Variants in PRUNE2 observed in about 807,000 individuals in gnomAD.
PRUNE2 encodes the protein protein prune homolog 2.
A neutral mutation model predicts 252.0 loss-of-function variants in PRUNE2; 164 were observed. The observed-to-expected ratio is 0.65, with a 90% confidence interval of 0.57 to 0.74. The LOEUF (loss-of-function observed/expected upper bound fraction) is 0.74. Ranked by LOEUF, PRUNE2 falls within the 30% of genes least tolerant of loss-of-function variation. The pLI, the probability that PRUNE2 is intolerant of heterozygous loss-of-function variation, is 0.00. For missense variants in PRUNE2, 3,495 were observed against 3,711.0 expected (o/e 0.94, Z 1.51); for synonymous variants, 1,292 against 1,350.2 (o/e 0.96, Z 0.94).
At chr9:76,763,218 T>C (rs1056297917) in intron 6 of PRUNE2, among the ~76,000 whole-genome samples, 1 of 152,236 alleles carries the variant, frequency 6.6e-6, no homozygotes, top group Non-Finnish European at 1.5e-5. Flanking sequence ...TCATGAGATC[T>C]TGAGCAAGTT....
chr9:76,638,582 G>T (rs1841163516), intron 12 of PRUNE2, among the ~76,000 whole-genome samples: 1 of 151,962 alleles, frequency 6.6e-6, no homozygotes, highest in Admixed American at 6.5e-5. Context: ...TGTGAAGAGG[G>T]TGTGTAAATA....
At chr9:76,754,274 T>G (rs1457587678) in intron 6 of PRUNE2, among the ~76,000 whole-genome samples, 1 of 151,616 alleles carries the variant, frequency 6.6e-6, no homozygotes, top group East Asian at 1.9e-4. Flanking sequence ...GGAGTGGGGG[T>G]GGGGTGGGGA....
intron 4 of PRUNE2, among the ~76,000 whole-genome samples, chr9:76,842,425 T>C (rs935204489): frequency 1.3e-5 from 2 of 152,126 alleles, no homozygotes; most frequent in Non-Finnish European, 2.9e-5. Context: ...GACACAGGCA[T>C]GGGCAAAGAC....
At chr9:76,852,909 T>C (rs989963437) in intron 2 of PRUNE2, among the ~76,000 whole-genome samples, 2 of 152,168 alleles carry the variant, frequency 1.3e-5, no homozygotes, top group African/African-American at 2.4e-5. Context: ...CAAGACATTG[T>C]TGTAGGTGGT....
chr9:76,900,214 T>C (rs938183070), intron 1 of PRUNE2, among the ~76,000 whole-genome samples: 4 of 152,234 alleles, frequency 2.6e-5, no homozygotes, highest in African/African-American at 9.6e-5. Flanking sequence ...TTCCAGGTTC[T>C]GTGCTAAGGG....
At position 76,709,562 on chromosome 9, in the gene PRUNE2, C is replaced by T. The variant is rs748910643; in HGVS notation, c.2712G>A (p.Val904=). ...KPPKEDQNGL[V]DPKTRGKVYE... is the part of the protein sequence containing the mutation. ...ATACCTTGCCCCTAGTTTTAGGATC[C>T]ACTAAACCATTCTGATCTTCTTTTG... Residue 904 remains valine (V), a synonymous_variant, in exon 8 of 19, where the codon GTG becomes GTA. Transcript: ENST00000376718. The T allele has an allele frequency of 8.1e-6, 13 of 1,613,862 alleles. No individual in the cohort carries two copies. The highest frequency in any genetic ancestry group is 6.7e-5 in the Admixed American group (4 of 60,004).
At chr9:76,683,111 G>A (rs2043656706) in intron 9 of PRUNE2, among the ~76,000 whole-genome samples, 1 of 152,206 alleles carries the variant, frequency 6.6e-6, no homozygotes, top group Admixed American at 6.5e-5. Flanking sequence ...AGGGTTTGAG[G>A]GATGAAGGTA....
intron 9 of PRUNE2, among the ~76,000 whole-genome samples, chr9:76,681,429 T>C (rs1370333121): frequency 6.6e-6 from 1 of 150,828 alleles, no homozygotes; most frequent in African/African-American, 2.4e-5. Flanking sequence ...AAATTTTATG[T>C]TATGTGTTTC....
chr9:76,871,790 G>A (rs2061215987), intron 1 of PRUNE2, among the ~76,000 whole-genome samples: 1 of 151,914 alleles, frequency 6.6e-6, no homozygotes, highest in Non-Finnish European at 1.5e-5. Context: ...CACCCCGCCT[G>A]GCCAATTTTT....
chr9:76,667,740 G>A (rs988925750), intron 9 of PRUNE2, among the ~76,000 whole-genome samples: 1 of 152,218 alleles, frequency 6.6e-6, no homozygotes, highest in Non-Finnish European at 1.5e-5. Context: ...GGTTGCCTTT[G>A]ACTTTTCTGG....
chr9:76,701,192 T>A (rs1465844097), intron 9 of PRUNE2, among the ~76,000 whole-genome samples: 1 of 152,224 alleles, frequency 6.6e-6, no homozygotes, highest in African/African-American at 2.4e-5. Context: ...ACTCAGGTGA[T>A]ACTGATGCTG....
chr9:76,783,742 G>C (rs1354512805), intron 6 of PRUNE2: 2 of 152,116 alleles, frequency 1.3e-5, no homozygotes, highest in Non-Finnish European at 2.9e-5. Context: ...TACCATCTGA[G>C]GCCACACATC....
At chr9:76,869,567 CA>C (rs1346503968) in intron 1 of PRUNE2, among the ~76,000 whole-genome samples, 2 of 152,100 alleles carry the variant, frequency 1.3e-5, no homozygotes, top group Non-Finnish European at 2.9e-5. Context: ...TATTAAAATA[CA>C]CATTTTATAG....
intron 6 of PRUNE2, among the ~76,000 whole-genome samples, chr9:76,802,122 AC>A (rs1331334457): frequency 2.0e-5 from 3 of 152,152 alleles, no homozygotes; most frequent in African/African-American, 7.2e-5. Context: ...TTATTTTTAA[AC>A]ACAATTAAAA....
intron 9 of PRUNE2, among the ~76,000 whole-genome samples, chr9:76,696,550 C>T (rs960832878): frequency 3.9e-5 from 6 of 152,116 alleles, no homozygotes; most frequent in African/African-American, 9.7e-5. Context: ...CTCAGTCTCC[C>T]GAGTAGCTGG....
chr9:76,715,832 A>G (rs2047101457), intron 6 of PRUNE2, among the ~76,000 whole-genome samples: 1 of 152,164 alleles, frequency 6.6e-6, no homozygotes, highest in Admixed American at 6.5e-5. Context: ...TGAATCAAGA[A>G]CCTCATTGCT....
At chr9:76,807,735 G>C (rs1422422366) in intron 6 of PRUNE2, among the ~76,000 whole-genome samples, 1 of 152,176 alleles carries the variant, frequency 6.6e-6, no homozygotes, top group Non-Finnish European at 1.5e-5. Flanking sequence ...AAGGGCCTTA[G>C]GAATTCTTGT....
chr9:76,882,439 C>T lies in PRUNE2; in HGVS notation c.36+23489G>A, dbSNP rs78316484. 3.6e-4 allele frequency among the ~76,000 whole-genome samples: 55 copies of T among 152,318 alleles called. 1 individual carries two copies. In the East Asian group the frequency reaches 8.3e-3, roughly 23 times the overall value. On this transcript the variant is annotated intron_variant, in intron 1 of 18. Coordinates refer to ENST00000376718, the MANE Select transcript of PRUNE2 (RefSeq NM_015225.3). ...CCGTTCTTGCATTGCTATGAAAAAACACTTGAGACTGGTAAAGAAGTTTAA... is the reference window on the plus strand; with the variant it reads ...CCGTTCTTGCATTGCTATGAAAAAATACTTGAGACTGGTAAAGAAGTTTAA...
intron 6 of PRUNE2, among the ~76,000 whole-genome samples, chr9:76,818,160 A>G (rs1046179456): frequency 6.6e-6 from 1 of 152,182 alleles, no homozygotes; most frequent in Non-Finnish European, 1.5e-5. Flanking sequence ...AAGAAACGCT[A>G]TGCACTCTTT....
Sources: allele counts gnomAD v4.1 joint callset (sites outside exome capture counted in the v4.1 genomes callset), GRCh38; gene constraint gnomAD v4.1.1; transcripts MANE v1.5; gene names NCBI Gene and HGNC (gene_info 2026-07-23, HGNC 2026-07-21).